The following TTC28 variants were observed in gnomAD, a reference collection of about 807,000 sequenced individuals.
TTC28 encodes tetratricopeptide repeat protein 28.
A neutral mutation model predicts 198.0 loss-of-function variants in TTC28; 61 were observed. That is an observed-to-expected ratio of 0.31 (90% CI 0.25 to 0.38). TTC28 has a LOEUF of 0.38. TTC28 is among the 10% of genes least tolerant of loss of function. TTC28 has a pLI of 1.00. For synonymous variants in TTC28, 1,171 were observed against 1,297.8 expected (o/e 0.90, Z 2.10); for missense variants, 2,678 against 3,164.0 (o/e 0.85, Z 3.69).
At chr22:28,082,993 T>C (rs1470807359) in intron 12 of TTC28, among the ~76,000 whole-genome samples, 3 of 152,268 alleles carry the variant, frequency 2.0e-5, no homozygotes, top group Admixed American at 6.5e-5. Context: ...AAAATGTATT[T>C]TACGGAAATA....
chr22:28,021,907 A>G (rs1432261271), intron 13 of TTC28, among the ~76,000 whole-genome samples: 1 of 152,230 alleles, frequency 6.6e-6, no homozygotes, highest in African/African-American at 2.4e-5. Context: ...GGCATCTTCT[A>G]GAGTACGGAC....
chr22:28,196,775 G>A (rs1029286788), intron 5 of TTC28, among the ~76,000 whole-genome samples: 12 of 152,096 alleles, frequency 7.9e-5, no homozygotes, highest in South Asian at 4.1e-4. Flanking sequence ...GAAACAACAG[G>A]TGCTGGAGAG....
chr22:28,533,072 G>C (rs1569004832), intron 2 of TTC28, among the ~76,000 whole-genome samples: 1 of 152,126 alleles, frequency 6.6e-6, no homozygotes, highest in Non-Finnish European at 1.5e-5. Flanking sequence ...TCAGGCAGGA[G>C]AAAGAAATAA....
chr22:28,625,698 C>A (rs1416369403), intron 2 of TTC28, among the ~76,000 whole-genome samples: 1 of 151,970 alleles, frequency 6.6e-6, no homozygotes. Flanking sequence ...GATTCTACAA[C>A]TTATATAAAA....
chr22:28,661,179 G>A (rs554686482), intron 1 of TTC28, among the ~76,000 whole-genome samples: 1 of 152,048 alleles, frequency 6.6e-6, no homozygotes, highest in East Asian at 2.0e-4. Context: ...AGCTACTTGG[G>A]AAGCTAAGGC....
chr22:28,455,640 G>A (rs1750896762), intron 2 of TTC28, among the ~76,000 whole-genome samples: 1 of 151,878 alleles, frequency 6.6e-6, no homozygotes, highest in Non-Finnish European at 1.5e-5. Flanking sequence ...CTTGAACCCA[G>A]GAGGCAGAGG....
intron 2 of TTC28, among the ~76,000 whole-genome samples, chr22:28,318,073 A>ATT (rs35011623): frequency 4.6e-4 from 64 of 139,804 alleles, no homozygotes; most frequent in South Asian, 1.2e-3. Context: ...CAGCTAATTA[A>ATT]TTTTTTTTTT....
chr22:28,549,141 C>T (rs1021300173), intron 2 of TTC28, among the ~76,000 whole-genome samples: 2 of 152,042 alleles, frequency 1.3e-5, no homozygotes, highest in Admixed American at 6.6e-5. Flanking sequence ...AATTATCCTG[C>T]CCCAGCCTCC....
intron 5 of TTC28, among the ~76,000 whole-genome samples, chr22:28,270,531 A>T (rs909329009): frequency 5.0e-5 from 7 of 140,528 alleles, no homozygotes; most frequent in African/African-American, 1.5e-4. Context: ...ATCTGATATT[A>T]AAAAAAAAAC....
chr22:28,640,318 G>A (rs541831687), intron 1 of TTC28, among the ~76,000 whole-genome samples: 3 of 144,286 alleles, frequency 2.1e-5, no homozygotes, highest in Admixed American at 1.4e-4. Flanking sequence ...GTAAAGGGGG[G>A]GGGGGGAAAG....
At chr22:28,255,842 C>T (rs1318831903) in intron 5 of TTC28, among the ~76,000 whole-genome samples, 2 of 151,746 alleles carry the variant, frequency 1.3e-5, no homozygotes, top group Middle Eastern at 3.4e-3. Context: ...TAATAGCATA[C>T]ATAAATATGC....
intron 1 of TTC28, among the ~76,000 whole-genome samples, chr22:28,655,715 G>C (rs1439325132): frequency 6.6e-6 from 1 of 152,130 alleles, no homozygotes; most frequent in African/African-American, 2.4e-5. Context: ...GCCAGGCGCC[G>C]TGGCGGGCGC....
intron 5 of TTC28, among the ~76,000 whole-genome samples, chr22:28,236,370 C>T (rs1401215677): frequency 3.9e-5 from 6 of 152,086 alleles, no homozygotes; most frequent in Non-Finnish European, 5.9e-5. Context: ...GCTTGCATGA[C>T]CGATATTATT....
At chr22:28,663,645 T>A (rs2051791019) in intron 1 of TTC28, among the ~76,000 whole-genome samples, 1 of 132,872 alleles carries the variant, frequency 7.5e-6, no homozygotes, top group Non-Finnish European at 1.6e-5. Context: ...CAGAGGGTCC[T>A]ACGCCCACGG....
chr22:28,552,438 AAG>A (rs1273263488), intron 2 of TTC28, among the ~76,000 whole-genome samples: 5 of 152,292 alleles, frequency 3.3e-5, no homozygotes, highest in Non-Finnish European at 4.4e-5. Flanking sequence ...ACTAAGCAAA[AAG>A]AACAAATCTA....
intron 12 of TTC28, among the ~76,000 whole-genome samples, chr22:28,079,681 T>C (rs946574600): frequency 6.6e-6 from 1 of 152,200 alleles, no homozygotes; most frequent in African/African-American, 2.4e-5. Flanking sequence ...TCACTTAGCA[T>C]AATGACCTCA....
chr22:28,035,602 G>A (rs1184350724), intron 12 of TTC28, among the ~76,000 whole-genome samples: 1 of 152,168 alleles, frequency 6.6e-6, no homozygotes, highest in Non-Finnish European at 1.5e-5. Context: ...ACTAGGTTTT[G>A]CATGGGCCGG....
intron 1 of TTC28, among the ~76,000 whole-genome samples, chr22:28,644,146 T>TC (rs1251448982): frequency 3.3e-5 from 5 of 151,800 alleles, no homozygotes; most frequent in Middle Eastern, 3.5e-3. Context: ...ACGCCTGTAA[T>TC]CCCAGCACTT....
In TTC28 at chr22:28,209,422, C is replaced by T. The variant is rs1444755816; in HGVS notation, c.934-45823G>A. On this transcript the variant is annotated intron_variant, in intron 5 of 22. Coordinates refer to ENST00000397906, the MANE Select transcript of TTC28 (RefSeq NM_001145418.2). The stretch of plus-strand genomic sequence containing the variant: ...CCGTGACAGACCGTACCTGGAAAAT[C>T]GGGACATTCCCACCCTAATACTGCG... 3.9e-5 allele frequency among the ~76,000 whole-genome samples: 6 copies of T among 152,164 alleles called. No homozygotes were observed. The East Asian group carries it at 9.7e-4, about 24-fold the overall frequency.
Sources: gnomAD v4.1 joint callset for allele counts (sites outside exome capture counted in the v4.1 genomes callset) on GRCh38, gnomAD v4.1.1 for gene constraint, MANE v1.5 for transcripts, NCBI Gene and HGNC (gene_info 2026-07-23, HGNC 2026-07-21) for gene names.